LRCH1: variants seen among roughly 807,000 people sequenced by gnomAD.
LRCH1 encodes the protein leucine-rich repeat and calponin homology domain-containing protein 1.
LRCH1 carries 23 observed loss-of-function variants against 94.9 expected under a neutral mutation model. The observed-to-expected ratio is 0.24, with a 90% confidence interval of 0.17 to 0.34. The LOEUF is 0.34. Among genes scored for constraint, LRCH1 ranks in the 10% least tolerant of loss-of-function variants. The pLI, the probability that LRCH1 is intolerant of heterozygous loss-of-function variation, is 1.00. For synonymous variants in LRCH1, 364 were observed against 354.9 expected (o/e 1.03, Z -0.29); for missense variants, 790 against 945.9 (o/e 0.84, Z 2.16).
At chr13:46,696,486 T>C (rs980382977) in intron 9 of LRCH1, among the ~76,000 whole-genome samples, 3 of 152,106 alleles carry the variant, frequency 2.0e-5, no homozygotes, top group African/African-American at 7.2e-5. Flanking sequence ...AACAAAGCAG[T>C]TAGTAAGAAT....
chr13:46,734,410 T>C (rs1206108555), intron 19 of LRCH1, among the ~76,000 whole-genome samples: 1 of 152,180 alleles, frequency 6.6e-6, no homozygotes, highest in Non-Finnish European at 1.5e-5. Context: ...TGATTATCAT[T>C]CTCTGTAGCT....
In LRCH1 at chr13:46,563,167, C is replaced by A. The variant is rs369349842; in HGVS notation, c.307+9464C>A. ...TAGCAAATGAAAAACTAATCAATAT[C>A]TTTTGAGCACTTATTGTGTAAGGAG... On this transcript the variant is annotated intron_variant, in intron 1 of 19. Transcript: ENST00000389797. Among the ~76,000 whole-genome samples, 7 of 152,298 alleles carry A rather than the reference C, an allele frequency of 4.6e-5. No homozygotes were observed. In the South Asian group the frequency reaches 1.5e-3, roughly 32 times the overall value.
chr13:46,712,503 T>C (rs1202769669), intron 14 of LRCH1, 22 bp from the exon 15 acceptor site: 1 of 1,581,986 alleles, frequency 6.3e-7, no homozygotes, highest in East Asian at 2.2e-5. Context: ...TTTCCTAATT[T>C]CCTTTCCTTC....
chr13:46,638,495 A>C (rs1332558582), intron 1 of LRCH1, among the ~76,000 whole-genome samples: 4 of 152,236 alleles, frequency 2.6e-5, no homozygotes, highest in African/African-American at 9.6e-5. Flanking sequence ...CTTCAAAATG[A>C]TGCCTGCTGC....
chr13:46,566,948 A>G (rs1054875208), intron 1 of LRCH1, among the ~76,000 whole-genome samples: 1 of 152,202 alleles, frequency 6.6e-6, no homozygotes, highest in Non-Finnish European at 1.5e-5. Context: ...TTGTGTTTTA[A>G]AGCAAGTCAC....
chr13:46,608,218 T>C (rs2050709221), intron 1 of LRCH1, among the ~76,000 whole-genome samples: 1 of 152,152 alleles, frequency 6.6e-6, no homozygotes, highest in Admixed American at 6.5e-5. Flanking sequence ...TTCACACGAG[T>C]CACAGGGCAG....
intron 2 of LRCH1, among the ~76,000 whole-genome samples, chr13:46,667,566 T>C (rs573558900): frequency 7.5e-4 from 112 of 149,784 alleles, no homozygotes; most frequent in African/African-American, 2.6e-3. Context: ...TTAGGAGATA[T>C]ACCTAATGTA....
At chr13:46,701,261 A>ACTCCATACAT in intron 11 of LRCH1, 54 bp downstream of exon 11, 3 of 1,253,532 alleles carry the variant, frequency 2.4e-6, no homozygotes, top group African/African-American at 1.5e-5. Context: ...ATACTAATGT[A>ACTCCATACAT]TGGAGTACAT....
chr13:46,682,519 G>GT (rs1416656608), intron 4 of LRCH1, among the ~76,000 whole-genome samples: 1 of 152,210 alleles, frequency 6.6e-6, no homozygotes, highest in African/African-American at 2.4e-5. Flanking sequence ...TTGGGTATGG[G>GT]TATGTGACGT....
At chr13:46,618,864 C>T (rs2050843875) in intron 1 of LRCH1, among the ~76,000 whole-genome samples, 1 of 152,172 alleles carries the variant, frequency 6.6e-6, no homozygotes. Flanking sequence ...AACCTTTCTA[C>T]TGCTCTGTCT....
intron 1 of LRCH1, among the ~76,000 whole-genome samples, chr13:46,607,159 C>T (rs937239868): frequency 4.6e-5 from 7 of 152,154 alleles, no homozygotes; most frequent in Non-Finnish European, 1.0e-4. Context: ...AAGGAGGTGG[C>T]TCAGCTAGAT....
intron 1 of LRCH1, among the ~76,000 whole-genome samples, chr13:46,579,459 T>A (rs1196452614): frequency 2.1e-5 from 1 of 47,680 alleles, no homozygotes; most frequent in Non-Finnish European, 3.6e-5. Flanking sequence ...TTGGAATTTC[T>A]TTTCTTTTTT....
Position 46,701,209 on chromosome 13 carries a change from T to G in LRCH1, c.1400+2T>G, listed in dbSNP as rs1237640842. On this transcript the variant is annotated splice_donor_variant, in intron 11 of 19. Coordinates refer to ENST00000389797, the MANE Select transcript of LRCH1 (RefSeq NM_001164211.2). LOFTEE classifies it high-confidence loss of function. ...AGATTTGCTGCAAGATCCCAATGGGTGTGTATGTCTCCTTGGTCCAGGTTT... is the reference window on the plus strand; with the variant it reads ...AGATTTGCTGCAAGATCCCAATGGGGGTGTATGTCTCCTTGGTCCAGGTTT... 1.9e-6 allele frequency: 3 copies of G among 1,602,286 alleles called. No homozygotes were observed. Among genetic ancestry groups the G allele is most frequent in the Non-Finnish European group, 2.6e-6 (3 of 1,169,454 alleles).
rs144607407 is a variant in LRCH1 at position 46,739,836 on chromosome 13, T to C, written c.2086-1806T>C. On this transcript the variant is annotated intron_variant, in intron 19 of 19. Transcript: ENST00000389797. Reference sequence around the variant, plus strand: ...CAGAGTCTGTGGCATCGTGAAATTGTTTCCTGGATGAGAAGAATGGTCTGT... The same window carrying C: ...CAGAGTCTGTGGCATCGTGAAATTGCTTCCTGGATGAGAAGAATGGTCTGT... Among the ~76,000 whole-genome samples, 3 of 152,294 alleles carry C rather than the reference T, an allele frequency of 2.0e-5. No individual in the cohort carries two copies. In the East Asian group the frequency reaches 5.8e-4, roughly 29 times the overall value.
chr13:46,633,648 A>T (rs76797923), intron 1 of LRCH1, among the ~76,000 whole-genome samples: 18,109 of 151,932 alleles, frequency 0.12, 1,536 homozygotes, highest in East Asian at 0.25. Context: ...TTCTTTCCTC[A>T]TGTTTCACAT....
rs67588975 is a variant in LRCH1 at position 46,657,500 on chromosome 13, CTTTTTTTTTTTTTTTTTTTTTTTTTTTT to C, written c.452+7170_452+7197del. ...TCATTTTTACTTTTTCTTTTCTTTT[CTTTTTTTTTTTTTTTTTTTTTTTTTTTT>C]TTTTTTTTTTTTTTGAGGCAGGGTC... On this transcript the variant is annotated intron_variant, in intron 2 of 19. Coordinates refer to ENST00000389797, the MANE Select transcript of LRCH1 (RefSeq NM_001164211.2). 7.9e-4 allele frequency among the ~76,000 whole-genome samples: 9 copies of C among 11,392 alleles called. No individual in the cohort carries two copies. In the East Asian group the frequency reaches 0.014, roughly 17 times the overall value. 7.5% of individuals were successfully genotyped at this position (11,392 alleles called of 152,430 possible).
chr13:46,572,773 A>AT (rs1304883893), intron 1 of LRCH1, among the ~76,000 whole-genome samples: 3 of 151,844 alleles, frequency 2.0e-5, no homozygotes, highest in Non-Finnish European at 2.9e-5. Flanking sequence ...GAGGTGCTGC[A>AT]TTTTTTTTCA....
chr13:46,555,079 G>A (rs2050049232), intron 1 of LRCH1, among the ~76,000 whole-genome samples: 1 of 152,304 alleles, frequency 6.6e-6, no homozygotes, highest in Admixed American at 6.5e-5. Context: ...GCTCTCCAGG[G>A]TCATTAAACT....
intron 1 of LRCH1, among the ~76,000 whole-genome samples, chr13:46,621,670 C>A (rs1361916236): frequency 1.3e-5 from 2 of 152,180 alleles, no homozygotes; most frequent in Non-Finnish European, 2.9e-5. Flanking sequence ...TTACACCAGA[C>A]TTTTACAGCG....
Sources: gnomAD v4.1 joint callset for allele counts (sites outside exome capture counted in the v4.1 genomes callset) on GRCh38, gnomAD v4.1.1 for gene constraint, MANE v1.5 for transcripts, NCBI Gene and HGNC (gene_info 2026-07-23, HGNC 2026-07-21) for gene names.